Variants in FTO observed in about 807,000 individuals in gnomAD.
FTO encodes the protein alpha-ketoglutarate-dependent dioxygenase FTO.
Under a neutral mutation model 63.9 loss-of-function variants are expected in FTO, and 47 were observed. That is an observed-to-expected ratio of 0.74 (90% CI 0.58 to 0.94). The LOEUF (loss-of-function observed/expected upper bound fraction) is 0.94. FTO is among the 40% of genes least tolerant of loss of function. The pLI, the probability that FTO is intolerant of heterozygous loss-of-function variation, is 0.00. For missense variants in FTO, 562 were observed against 618.1 expected (o/e 0.91, Z 0.96); for synonymous variants, 207 against 224.4 (o/e 0.92, Z 0.69).
intron 1 of FTO, among the ~76,000 whole-genome samples, chr16:53,706,082 T>A (rs767688129): frequency 2.0e-5 from 3 of 152,186 alleles, no homozygotes; most frequent in African/African-American, 4.8e-5. Flanking sequence ...AATTCAAGGC[T>A]TTTCCCATTT....
chr16:53,999,179 A>G (rs1400170849), intron 8 of FTO, among the ~76,000 whole-genome samples: 1 of 152,220 alleles, frequency 6.6e-6, no homozygotes, highest in Non-Finnish European at 1.5e-5. Context: ...GAAGCCATGC[A>G]ATAAATCCTC....
At chr16:54,020,372 A>G (rs1156620609) in intron 8 of FTO, among the ~76,000 whole-genome samples, 1 of 152,200 alleles carries the variant, frequency 6.6e-6, no homozygotes, top group Non-Finnish European at 1.5e-5. Flanking sequence ...CCATGAAGAC[A>G]TTGCTTCCAG....
chr16:53,877,869 A>G (rs901643251), intron 5 of FTO, among the ~76,000 whole-genome samples: 1 of 152,238 alleles, frequency 6.6e-6, no homozygotes, highest in Non-Finnish European at 1.5e-5. Context: ...TCATTAAACT[A>G]GTTTTCCTAT....
intron 2 of FTO, among the ~76,000 whole-genome samples, chr16:53,817,495 T>C (rs1434702906): frequency 6.6e-6 from 1 of 152,194 alleles, no homozygotes; most frequent in Non-Finnish European, 1.5e-5. Context: ...AACAGCTAGA[T>C]TAGAAATACA....
intron 1 of FTO, among the ~76,000 whole-genome samples, chr16:53,772,130 G>A (rs1210957093): frequency 6.6e-6 from 1 of 152,024 alleles, no homozygotes; most frequent in Non-Finnish European, 1.5e-5. Context: ...CAATAAAGCT[G>A]CTATTACAAC....
At position 53,939,630 on chromosome 16, in the gene FTO, C is replaced by T. The variant is rs565348538; in HGVS notation, c.1364+5521C>T. Among the ~76,000 whole-genome samples the T allele has an allele frequency of 3.9e-5, 6 of 152,268 alleles. No homozygotes were observed. In the East Asian group the frequency reaches 1.2e-3, roughly 29 times the overall value. On this transcript the variant is annotated intron_variant, in intron 8 of 8. Coordinates refer to ENST00000471389, the MANE Select transcript of FTO (RefSeq NM_001080432.3). ...AGCCACCCTCCATTCCCCCTTCTCC[C>T]CACAGTCCTGAGCAACCACCAGTCT... is the stretch of plus-strand genomic sequence containing the variant.
Position 54,085,572 on chromosome 16 carries a change from G to A in FTO, c.1365-26190G>A, listed in dbSNP as rs538121382. 2.6e-5 allele frequency among the ~76,000 whole-genome samples: 4 copies of A among 152,098 alleles called. No individual in the cohort carries two copies. The South Asian group carries it at 6.2e-4, about 24-fold the overall frequency. ...ATCAGCCATGTCCCTCATTTTTAAAGTATATAGCAACTTCATGAAGGATAT... is the reference window on the plus strand; with the variant it reads ...ATCAGCCATGTCCCTCATTTTTAAAATATATAGCAACTTCATGAAGGATAT... On this transcript the variant is annotated intron_variant, in intron 8 of 8. Transcript: ENST00000471389.
At chr16:53,899,121 A>C (rs1345455122) in intron 7 of FTO, among the ~76,000 whole-genome samples, 1 of 152,230 alleles carries the variant, frequency 6.6e-6, no homozygotes, top group Non-Finnish European at 1.5e-5. Flanking sequence ...CTTTTTAAAA[A>C]CAAAATAATA....
At chr16:53,927,260 A>G (rs1338141771) in intron 7 of FTO, among the ~76,000 whole-genome samples, 2 of 152,082 alleles carry the variant, frequency 1.3e-5, no homozygotes, top group African/African-American at 4.8e-5. Context: ...AGGATTTTTT[A>G]TGTTTAGGTA....
In FTO at chr16:53,984,321, C is replaced by CCTTTTTTTTTTT. The variant is rs1555500067; in HGVS notation, c.1364+50212_1364+50213insCTTTTTTTTTTT. On this transcript the variant is annotated intron_variant, in intron 8 of 8. Transcript: ENST00000471389. Reference sequence around the variant, plus strand: ...CCTCTATCCCTCCCTTGGAATGGGTCTTTTTTTTTTTTTTTTTTTTTTTTT... The same window carrying CCTTTTTTTTTTT: ...CCTCTATCCCTCCCTTGGAATGGGTCCTTTTTTTTTTTTTTTTTTTTTTTTTTTTTTTTTTTT... Among the ~76,000 whole-genome samples the CCTTTTTTTTTTT allele has an allele frequency of 4.5e-5, 3 of 67,316 alleles. 1 individual carries two copies. The allele number at this position is 67,316 out of a possible 152,430, so 44.2% of individuals were successfully genotyped here. A position where few individuals can be genotyped will look rare whatever the true frequency, so the allele number is the denominator to read the frequency against.
intron 3 of FTO, among the ~76,000 whole-genome samples, chr16:53,835,032 T>G (rs1164849133): frequency 6.6e-6 from 1 of 152,254 alleles, no homozygotes; most frequent in Non-Finnish European, 1.5e-5. Context: ...TTTTCAACTT[T>G]TTTCTTGCAT....
At position 53,890,006 on chromosome 16, in the gene FTO, C is replaced by T. The variant is rs955441993; in HGVS notation, c.1239+1055C>T. Among the ~76,000 whole-genome samples the T allele has an allele frequency of 6.6e-5, 10 of 152,210 alleles. No homozygotes were observed. In the South Asian group the frequency reaches 1.9e-3, roughly 28 times the overall value. ...ACACAAAGGGTTTGTGTAACTTCCT[C>T]GAGGTCACCCAGCTAATAGGTGAGG... On this transcript the variant is annotated intron_variant, in intron 7 of 8. Coordinates refer to ENST00000471389, the MANE Select transcript of FTO (RefSeq NM_001080432.3).
chr16:54,048,137 A>G (rs1464669495), intron 8 of FTO, among the ~76,000 whole-genome samples: 2 of 143,556 alleles, frequency 1.4e-5, no homozygotes, highest in Admixed American at 6.8e-5. Context: ...AAAAAAAAAA[A>G]AAAAAGAATT....
Position 53,870,240 on chromosome 16 carries a change from G to A in FTO, c.896-3546G>A, listed in dbSNP as rs1401455449. On this transcript the variant is annotated intron_variant, in intron 4 of 8. Coordinates refer to ENST00000471389, the MANE Select transcript of FTO (RefSeq NM_001080432.3). The stretch of plus-strand genomic sequence containing the variant: ...ATAAATAAATAAATAAATAAATAAA[G>A]TCGCTATTTTTTCCCTTCCTTCTGC... Among the ~76,000 whole-genome samples, 6 of 151,630 alleles carry A rather than the reference G, an allele frequency of 4.0e-5. No homozygotes were observed. The East Asian group carries it at 5.8e-4, about 15-fold the overall frequency.
At chr16:53,970,590 C>CAA (rs750908676) in intron 8 of FTO, among the ~76,000 whole-genome samples, 13 of 65,260 alleles carry the variant, frequency 2.0e-4, no homozygotes, top group East Asian at 4.4e-4. Context: ...GACTCCATCT[C>CAA]AAAAAAAAAA....
chr16:53,885,226 C>G (rs2080966883), intron 6 of FTO, among the ~76,000 whole-genome samples: 1 of 152,172 alleles, frequency 6.6e-6, no homozygotes, highest in African/African-American at 2.4e-5. Context: ...GACTCTGAAT[C>G]AAGCAGGTGG....
intron 8 of FTO, among the ~76,000 whole-genome samples, chr16:54,095,411 A>G (rs1465016324): frequency 6.7e-6 from 1 of 150,092 alleles, no homozygotes. Flanking sequence ...ACCCCAGCCT[A>G]GTCTCTTCCC....
At chr16:53,854,430 C>G (rs1056969756) in intron 4 of FTO, among the ~76,000 whole-genome samples, 2 of 152,098 alleles carry the variant, frequency 1.3e-5, no homozygotes, top group Non-Finnish European at 1.5e-5. Context: ...GGGCTCAGGT[C>G]TTAGATTTAA....
At chr16:53,985,199 A>G (rs2083637735) in intron 8 of FTO, among the ~76,000 whole-genome samples, 1 of 152,252 alleles carries the variant, frequency 6.6e-6, no homozygotes, top group African/African-American at 2.4e-5. Context: ...AATCATGACA[A>G]GCCTTCACTT....
Sources: allele counts gnomAD v4.1 joint callset (sites outside exome capture counted in the v4.1 genomes callset), GRCh38; gene constraint gnomAD v4.1.1; transcripts MANE v1.5; gene names NCBI Gene and HGNC (gene_info 2026-07-23, HGNC 2026-07-21).